Variants in HPS5 observed in about 807,000 individuals in gnomAD.
HPS5 encodes BLOC-2 complex member HPS5.
Under a neutral mutation model 128.0 loss-of-function variants are expected in HPS5, and 83 were observed. The observed-to-expected ratio is 0.65, with a 90% CI of 0.54 to 0.78. The LOEUF (loss-of-function observed/expected upper bound fraction) is 0.78. Among genes scored for constraint, HPS5 ranks in the 30% least tolerant of loss-of-function variants. The pLI is 0.00. For synonymous variants in HPS5, 475 were observed against 470.2 expected (o/e 1.01, Z -0.13); for missense variants, 1,281 against 1,326.2 (o/e 0.97, Z 0.53).
intron 16 of HPS5, among the ~76,000 whole-genome samples, chr11:18,288,596 TA>T (rs201749345): frequency 0.14 from 20,790 of 148,332 alleles, 1,521 homozygotes; most frequent in African/African-American, 0.19. Flanking sequence ...ATTTGTGGTT[TA>T]AAAAAAAAAA....
intron 8 of HPS5, among the ~76,000 whole-genome samples, chr11:18,301,814 G>A (rs1453234489): frequency 6.6e-6 from 1 of 152,080 alleles, no homozygotes; most frequent in East Asian, 1.9e-4. Flanking sequence ...CTAAGGCTCA[G>A]AGAAATAAAA....
chr11:18,286,466 T>A, intron 19 of HPS5, 125 bp downstream of exon 19: 2 of 916,996 alleles, frequency 2.2e-6, no homozygotes, highest in South Asian at 1.5e-5. Context: ...CACCTGAGCC[T>A]AGGAGGTCAA....
Position 18,305,457 on chromosome 11 carries a change from G to T in HPS5, c.861C>A (p.Ser287=), listed in dbSNP as rs368150352. 1.2e-6 allele frequency: 2 copies of T among 1,610,782 alleles called. No individual in the cohort carries two copies. Among genetic ancestry groups the T allele is most frequent in the African/African-American group, 2.7e-5 (2 of 74,828 alleles). ...EPQYDHTAGS[S]QSLSFPKLLH... is the part of the protein sequence containing the mutation. Reference sequence around the variant, plus strand: ...AGAGTTTGGGGAAAGACAAAGACTGGGAGGATCCAGCTGTATGATCATACT... The same window carrying T: ...AGAGTTTGGGGAAAGACAAAGACTGTGAGGATCCAGCTGTATGATCATACT... Residue 287 remains serine, a synonymous_variant, in exon 8 of 23, where the codon TCC becomes TCA. Coordinates refer to ENST00000349215, the MANE Select transcript of HPS5 (RefSeq NM_181507.2).
chr11:18,319,255 C>CCCCACACACA (rs1251270915), intron 1 of HPS5, among the ~76,000 whole-genome samples: 18 of 139,116 alleles, frequency 1.3e-4, no homozygotes, highest in African/African-American at 4.9e-4. Context: ...AAGACAAATA[C>CCCCACACACA]CACACACACA....
chr11:18,297,094 C>G, intron 11 of HPS5, 110 bp from the exon 12 acceptor site: 1 of 779,686 alleles, frequency 1.3e-6, no homozygotes, highest in Non-Finnish European at 2.1e-6. Flanking sequence ...TAATAACAAC[C>G]ATTATGGCTT....
chr11:18,302,062 C>T (rs1179786424), intron 8 of HPS5, among the ~76,000 whole-genome samples: 1 of 151,908 alleles, frequency 6.6e-6, no homozygotes, highest in African/African-American at 2.4e-5. Flanking sequence ...CCCTTCATCA[C>T]TTCCCATTTT....
At chr11:18,300,791 G>T in intron 9 of HPS5, 37 bp downstream of exon 9, 1 of 1,035,252 alleles carries the variant, frequency 9.7e-7, no homozygotes, top group Non-Finnish European at 1.5e-6. Context: ...ATTTTCATAA[G>T]CATGAGATTA....
chr11:18,316,991 G>A (rs984500105), intron 2 of HPS5, among the ~76,000 whole-genome samples: 26 of 152,150 alleles, frequency 1.7e-4, no homozygotes, highest in African/African-American at 5.3e-4. Context: ...TCAGGAGATC[G>A]AGACCATCCT....
intron 19 of HPS5, among the ~76,000 whole-genome samples, chr11:18,285,800 C>G (rs758237623): frequency 8.5e-5 from 13 of 152,254 alleles, no homozygotes; most frequent in South Asian, 6.2e-4. Flanking sequence ...GAAGCTTCTC[C>G]TGGGAGGAAA....
intron 21 of HPS5, 97 bp from the exon 22 acceptor site, chr11:18,282,317 G>A (rs1277190344): frequency 1.5e-5 from 20 of 1,356,780 alleles, no homozygotes; most frequent in Non-Finnish European, 2.0e-5. Context: ...ATGCCAAAAC[G>A]TAAAAATATT....
intron 8 of HPS5, among the ~76,000 whole-genome samples, chr11:18,301,499 T>A (rs963422802): frequency 1.4e-4 from 20 of 147,182 alleles, no homozygotes; most frequent in Non-Finnish European, 4.5e-5. Context: ...AAGGCTGGTA[T>A]CTGGAAAAAG....
chr11:18,300,811 A>G lies in HPS5; in HGVS notation c.985+17T>C, dbSNP rs1235006071. 1 of 1,320,532 alleles carries G rather than the reference A, an allele frequency of 7.6e-7. No homozygotes were observed. The highest frequency in any genetic ancestry group is 1.1e-6 in the Non-Finnish European group (1 of 915,836). 81.8% of individuals were successfully genotyped at this position (1,320,532 alleles called of 1,614,324 possible). On this transcript the variant is annotated intron_variant, in intron 9 of 22. Coordinates refer to ENST00000349215, the MANE Select transcript of HPS5 (RefSeq NM_181507.2). ...CATAAGCATGAGATTAAAAATTACA[A>G]AGAAAAATATAATTACCTTTGACTT...
At chr11:18,312,145 C>T in intron 2 of HPS5, 121 bp from the exon 3 acceptor site, 2 of 744,862 alleles carry the variant, frequency 2.7e-6, no homozygotes, top group South Asian at 2.9e-5. Context: ...ACCCTCTGCC[C>T]ATATGGACAC....
At chr11:18,311,165 GA>G (rs1332172766) in intron 4 of HPS5, among the ~76,000 whole-genome samples, 3 of 152,172 alleles carry the variant, frequency 2.0e-5, no homozygotes, top group Non-Finnish European at 2.9e-5. Flanking sequence ...TAAGGCCTTT[GA>G]AATGTTGTAA....
At chr11:18,311,511 A>ATTAT (rs1554944989) in intron 3 of HPS5, 60 bp from the exon 4 acceptor site, 2,996 of 530,534 alleles carry the variant, frequency 5.6e-3, no homozygotes, top group East Asian at 9.3e-3. Flanking sequence ...TATTATTATT[A>ATTAT]TTTTTTTTTT....
intron 10 of HPS5, 35 bp downstream of exon 10, chr11:18,298,757 C>T (rs934359106): frequency 2.5e-6 from 4 of 1,601,530 alleles, no homozygotes; most frequent in Non-Finnish European, 3.4e-6. Flanking sequence ...TTTCACCAAT[C>T]CATGGTAAAG....
Position 18,308,976 on chromosome 11 carries a change from A to T in HPS5, c.581T>A (p.Leu194His). 6.2e-7 allele frequency: 1 copy of T among 1,614,100 alleles called. No homozygotes were observed. The highest frequency in any genetic ancestry group is 1.3e-5 in the African/African-American group (1 of 75,068). The change falls in exon 6 of 23, where the codon CTT becomes CAT. Residue 194 changes from leucine to histidine, a missense_variant. Coordinates refer to ENST00000349215, the MANE Select transcript of HPS5 (RefSeq NM_181507.2). ...YLDGRLLISS[L>H]TRSFLCDTER... Reference sequence around the variant, plus strand: ...AGTGTCACACAAGAAGGATCGAGTAAGTGAAGATATAAGTAGCCTTCCATC... The same window carrying T: ...AGTGTCACACAAGAAGGATCGAGTATGTGAAGATATAAGTAGCCTTCCATC...
In HPS5 at chr11:18,278,692, C is replaced by G. The variant is rs760743212; in HGVS notation, c.*1190G>C. On this transcript the variant is annotated 3_prime_UTR_variant, in exon 23 of 23. Transcript: ENST00000349215. ...GTTGAATTGTTCAGTGCATCCAACA[C>G]TTTACTTACTCCACACCTTTCTGCA... The G allele has an allele frequency of 6.6e-6, 1 of 152,214 alleles. No homozygotes were observed. The highest frequency in any genetic ancestry group is 2.4e-5 in the African/African-American group (1 of 41,446). The allele number at this position is 152,214 out of a possible 1,614,324, so 9.4% of individuals were successfully genotyped here. A position where few individuals can be genotyped will look rare whatever the true frequency, so the allele number is the denominator to read the frequency against.
In HPS5 at chr11:18,297,610, A is replaced by C. The variant is rs1296945213; in HGVS notation, c.1272T>G (p.Phe424Leu). 1 of 1,614,134 alleles carries C rather than the reference A, an allele frequency of 6.2e-7. No homozygotes were observed. Among genetic ancestry groups the C allele is most frequent in the African/African-American group, 1.3e-5 (1 of 75,074 alleles). The change falls in exon 11 of 23, where the codon TTT (phenylalanine) becomes TTG (leucine). Residue 424 changes from phenylalanine to leucine, a missense_variant. Phe to Leu is a conservative substitution (Grantham distance 22, BLOSUM62 0). Transcript: ENST00000349215. ...ISQLEELILK[F>L]EPLDSACSSR... The stretch of plus-strand genomic sequence containing the variant: ...TGCTACAAGCTGAATCCAAAGGTTC[A>C]AATTTTAAGATCAATTCTTCCAGTT...
Sources: allele counts gnomAD v4.1 joint callset (sites outside exome capture counted in the v4.1 genomes callset), GRCh38; gene constraint gnomAD v4.1.1; transcripts MANE v1.5; gene names NCBI Gene and HGNC (gene_info 2026-07-23, HGNC 2026-07-21).